TEX11: variants seen among roughly 807,000 people sequenced by gnomAD.
TEX11 encodes testis expressed 11.
In TEX11, 7 loss-of-function variants were observed where a neutral mutation model predicts 84.4. That is an observed-to-expected ratio of 0.08 (90% CI 0.05 to 0.16). The LOEUF is 0.16. Ranked by LOEUF, TEX11 falls within the 10% of genes least tolerant of loss-of-function variation. TEX11 has a pLI of 1.00. For missense variants in TEX11, 551 were observed against 660.5 expected, an observed-to-expected ratio of 0.83 and a Z score of 1.82; for synonymous variants, 264 against 222.8, an observed-to-expected ratio of 1.18 and a Z score of -1.64.
chrX:70,770,744 C>A (rs924622551), intron 9 of TEX11, among the ~76,000 whole-genome samples: 1 of 110,992 alleles, frequency 9.0e-6, no homozygotes, highest in Non-Finnish European at 1.9e-5. Context: ...AAAGAAATTA[C>A]GTAATCTAGG....
chrX:70,657,773 T>C (rs2089884232), intron 16 of TEX11, among the ~76,000 whole-genome samples: 1 of 108,188 alleles, frequency 9.2e-6, no homozygotes. Context: ...ATGTCCTTTG[T>C]AGGTACATGG....
chrX:70,613,655 T>C (rs2089287059), intron 20 of TEX11, among the ~76,000 whole-genome samples: 2 of 111,663 alleles, frequency 1.8e-5, no homozygotes, highest in South Asian at 7.6e-4. Context: ...AGTGCTGAGC[T>C]GGGCTCAGAA....
chrX:70,559,472 A>G (rs1056715957), intron 25 of TEX11, among the ~76,000 whole-genome samples: 3 of 112,276 alleles, frequency 2.7e-5, no homozygotes, highest in African/African-American at 9.7e-5. Context: ...AAATGTTCCA[A>G]AATTGATTGT....
At position 70,772,329 on chromosome X, in the gene TEX11, C is replaced by T. The variant is rs1287203947; in HGVS notation, c.693-28110G>A. On this transcript the variant is annotated intron_variant, in intron 9 of 29. Transcript: ENST00000374333. ...GTGGCTCATACCTATAATCCCAGCA[C>T]TTTGGGAGGCTGTGGTGGGAGGATC... is the stretch of plus-strand genomic sequence containing the variant. 2.7e-5 allele frequency among the ~76,000 whole-genome samples: 3 copies of T among 111,919 alleles called. No homozygotes were observed. The East Asian group carries it at 8.4e-4, about 31-fold the overall frequency.
At chrX:70,538,891 A>T (rs1035652723) in intron 28 of TEX11, among the ~76,000 whole-genome samples, 2 of 106,091 alleles carry the variant, frequency 1.9e-5, no homozygotes, top group Non-Finnish European at 3.9e-5. Context: ...TGCCTAATCT[A>T]TGAACTTATA....
Position 70,648,191 on chromosome X carries a change from C to T in TEX11, c.1483+3259G>A, listed in dbSNP as rs187633507. Among the ~76,000 whole-genome samples, 562 of 110,941 alleles carry T rather than the reference C, an allele frequency of 5.1e-3. 3 individuals carry two copies. The highest frequency in any genetic ancestry group is 0.017 in the African/African-American group (533 of 30,481). The stretch of plus-strand genomic sequence containing the variant: ...AAAAACCAAACACCGCATATTCTCA[C>T]TCATAGGTGGGAATTGAACAATGAG... On this transcript the variant is annotated intron_variant, in intron 17 of 29. Coordinates refer to ENST00000374333, the MANE Select transcript of TEX11 (RefSeq NM_031276.3).
chrX:70,556,161 T>C (rs1224307260), intron 25 of TEX11, among the ~76,000 whole-genome samples: 1 of 111,815 alleles, frequency 8.9e-6, no homozygotes, highest in East Asian at 2.8e-4. Flanking sequence ...TTTTGCTTGA[T>C]TGGGTTTAAT....
chrX:70,644,042 C>T (rs1474578110), intron 17 of TEX11, among the ~76,000 whole-genome samples: 2 of 103,006 alleles, frequency 1.9e-5, no homozygotes, highest in Admixed American at 1.1e-4. Context: ...GGCTAATATC[C>T]AGAATCTACA....
chrX:70,575,299 A>G (rs1049326135), intron 25 of TEX11, among the ~76,000 whole-genome samples: 3 of 111,706 alleles, frequency 2.7e-5, no homozygotes, highest in Non-Finnish European at 1.9e-5. Flanking sequence ...ATCACAAATC[A>G]CACTACTTTC....
At chrX:70,574,497 A>G (rs1227019611) in intron 25 of TEX11, among the ~76,000 whole-genome samples, 1 of 111,672 alleles carries the variant, frequency 9.0e-6, no homozygotes, top group African/African-American at 3.3e-5. Flanking sequence ...TAATGACTAA[A>G]TTGTGAGCTC....
intron 11 of TEX11, among the ~76,000 whole-genome samples, chrX:70,734,524 A>G (rs1476938366): frequency 8.9e-6 from 1 of 111,921 alleles, no homozygotes; most frequent in Non-Finnish European, 1.9e-5. Context: ...CAGACACTCT[A>G]GGTAATACTT....
intron 28 of TEX11, among the ~76,000 whole-genome samples, chrX:70,540,082 A>G (rs1324499855): frequency 8.9e-6 from 1 of 111,948 alleles, no homozygotes; most frequent in Non-Finnish European, 1.9e-5. Context: ...AAGTTAAAAC[A>G]GAAGGTTTAA....
intron 9 of TEX11, among the ~76,000 whole-genome samples, chrX:70,797,666 A>G (rs2091163318): frequency 9.3e-6 from 1 of 107,833 alleles, no homozygotes; most frequent in African/African-American, 3.4e-5. Flanking sequence ...ACTAGGATTT[A>G]TTCCTCAGAT....
intron 7 of TEX11, among the ~76,000 whole-genome samples, chrX:70,852,804 T>C (rs1427987205): frequency 9.0e-6 from 1 of 110,818 alleles, no homozygotes; most frequent in Non-Finnish European, 1.9e-5. Flanking sequence ...ATGCAGGGGG[T>C]GAAAATGATG....
At chrX:70,595,552 G>T (rs1253354384) in intron 24 of TEX11, among the ~76,000 whole-genome samples, 1 of 111,030 alleles carries the variant, frequency 9.0e-6, no homozygotes, top group Non-Finnish European at 1.9e-5. Context: ...ACTGAAATTG[G>T]GTTTATAATC....
At chrX:70,581,589 C>T (rs934977234) in intron 25 of TEX11, among the ~76,000 whole-genome samples, 6 of 110,872 alleles carry the variant, frequency 5.4e-5, no homozygotes, top group East Asian at 2.8e-4. Flanking sequence ...TAAGCCACCG[C>T]GCCTGGTCCT....
intron 22 of TEX11, among the ~76,000 whole-genome samples, chrX:70,608,307 C>T (rs1268502357): frequency 1.8e-5 from 2 of 111,950 alleles, no homozygotes; most frequent in East Asian, 5.6e-4. Flanking sequence ...TAGTTTTGCC[C>T]ATTTAAAAAA....
At chrX:70,702,097 G>A (rs781753335) in intron 13 of TEX11, among the ~76,000 whole-genome samples, 1 of 111,947 alleles carries the variant, frequency 8.9e-6, no homozygotes, top group Non-Finnish European at 1.9e-5. Context: ...CAGTGGCAGG[G>A]TTTGAGGGAA....
intron 9 of TEX11, among the ~76,000 whole-genome samples, chrX:70,791,075 G>T (rs1303133634): frequency 9.0e-6 from 1 of 111,570 alleles, no homozygotes; most frequent in East Asian, 2.8e-4. Flanking sequence ...CATGTCCTTT[G>T]TAGGGACATG....
Sources: allele counts gnomAD v4.1 joint callset (sites outside exome capture counted in the v4.1 genomes callset), GRCh38; gene constraint gnomAD v4.1.1; transcripts MANE v1.5; gene names NCBI Gene and HGNC (gene_info 2026-07-23, HGNC 2026-07-21).